The following UVRAG variants were observed in gnomAD, a reference collection of about 807,000 sequenced individuals.
UVRAG encodes the protein UV radiation resistance associated, also known as UV radiation resistance-associated gene protein.
A neutral mutation model predicts 78.0 loss-of-function variants in UVRAG; 19 were observed. The ratio of observed to expected loss-of-function variants is 0.24; its 90% CI spans 0.17 to 0.36. UVRAG has a LOEUF of 0.36. Ranked by LOEUF, UVRAG falls within the 10% of genes least tolerant of loss-of-function variation. The probability of loss-of-function intolerance (pLI) is 1.00; values close to 1 mark genes in which losing one functional copy is unlikely to be tolerated. For synonymous variants in UVRAG, 323 were observed against 324.6 expected (o/e 1.00, Z 0.05); for missense variants, 740 against 853.8 (o/e 0.87, Z 1.66).
At chr11:76,137,943 G>C (rs534314593) in intron 14 of UVRAG, among the ~76,000 whole-genome samples, 1 of 152,004 alleles carries the variant, frequency 6.6e-6, no homozygotes, top group African/African-American at 2.4e-5. Context: ...AATAAAAAGA[G>C]AGAGAACCTT....
intron 8 of UVRAG, among the ~76,000 whole-genome samples, chr11:75,993,402 C>T (rs1949649213): frequency 6.6e-6 from 1 of 152,152 alleles, no homozygotes; most frequent in Non-Finnish European, 1.5e-5. Context: ...CCAGCTGGGT[C>T]ATGAGCTGAT....
At chr11:76,080,609 A>T (rs1487326533) in intron 13 of UVRAG, among the ~76,000 whole-genome samples, 2 of 152,144 alleles carry the variant, frequency 1.3e-5, no homozygotes, top group African/African-American at 2.4e-5. Flanking sequence ...GGGACAAGAA[A>T]CCAGTTTTCT....
chr11:76,140,878 G>T lies in UVRAG; in HGVS notation c.1565G>T (p.Ser522Ile). Residue 522 changes from serine (S) to isoleucine (I), a missense_variant, in exon 15 of 15, where the codon AGT (serine) becomes ATT (isoleucine). Transcript: ENST00000356136. The stretch of plus-strand genomic sequence containing the variant: ...CTTCAGTACAAAACCCCTCCTCCCA[G>T]TTACAACTCAGCATTAGCCCAGCCT... ...ERLQYKTPPP[S>I]YNSALAQPVT... 1 of 1,614,070 alleles carries T rather than the reference G, an allele frequency of 6.2e-7. No homozygotes were observed. The highest frequency in any genetic ancestry group is 8.5e-7 in the Non-Finnish European group (1 of 1,180,028).
At chr11:76,122,308 AG>A (rs1952297861) in intron 14 of UVRAG, among the ~76,000 whole-genome samples, 1 of 152,156 alleles carries the variant, frequency 6.6e-6, no homozygotes, top group African/African-American at 2.4e-5. Flanking sequence ...TTTGGGGTAT[AG>A]GACAGAGTAG....
At chr11:76,125,667 A>C (rs1020914356) in intron 14 of UVRAG, among the ~76,000 whole-genome samples, 2 of 152,154 alleles carry the variant, frequency 1.3e-5, no homozygotes, top group South Asian at 2.1e-4. Context: ...CTCTGAACCA[A>C]ATTGAGAGCT....
chr11:75,935,057 A>G (rs1948339236), intron 6 of UVRAG: 2 of 152,188 alleles, frequency 1.3e-5, no homozygotes, highest in Admixed American at 1.3e-4. Flanking sequence ...TGACTATACA[A>G]TTTAAAAGGT....
intron 6 of UVRAG, among the ~76,000 whole-genome samples, chr11:75,920,215 C>T (rs756048320): frequency 6.6e-4 from 99 of 149,582 alleles, no homozygotes; most frequent in Non-Finnish European, 1.2e-3. Flanking sequence ...TTAGTAGAGA[C>T]GGGGTTTCAC....
chr11:76,015,051 A>G (rs773773064), intron 11 of UVRAG, among the ~76,000 whole-genome samples: 14 of 152,360 alleles, frequency 9.2e-5, no homozygotes, highest in African/African-American at 3.4e-4. Flanking sequence ...TAGAGAACAG[A>G]CATTCCTTGA....
At chr11:75,984,210 A>G (rs574368394) in intron 8 of UVRAG, among the ~76,000 whole-genome samples, 64 of 152,348 alleles carry the variant, frequency 4.2e-4, no homozygotes, top group African/African-American at 1.5e-3. Context: ...AGTGAGCTGC[A>G]GCTCTCAGTC....
In UVRAG at chr11:76,106,372, AT is replaced by A. The variant is rs945823442; in HGVS notation, c.1306-9541del. Among the ~76,000 whole-genome samples, 177 of 146,988 alleles carry A rather than the reference AT, an allele frequency of 1.2e-3. No homozygotes were observed. The Middle Eastern group carries it at 0.014, about 12-fold the overall frequency. ...CAATGAATTGGAAGCAGAAATGCCT[AT>A]TTTTTTTTTTAAGATGGAATCCCGC... On this transcript the variant is annotated intron_variant, in intron 13 of 14. Transcript: ENST00000356136.
intron 13 of UVRAG, among the ~76,000 whole-genome samples, chr11:76,106,338 C>T (rs1951969122): frequency 6.6e-6 from 1 of 151,978 alleles, no homozygotes; most frequent in African/African-American, 2.4e-5. Context: ...ACCAAGATTG[C>T]ATCAAAGTCA....
intron 12 of UVRAG, among the ~76,000 whole-genome samples, chr11:76,065,262 TAAAAG>T (rs1951164966): frequency 6.6e-6 from 1 of 152,236 alleles, no homozygotes; most frequent in Non-Finnish European, 1.5e-5. Flanking sequence ...CTGGTCACCT[TAAAAG>T]AAACAGAAAT....
chr11:76,030,783 C>A (rs2135399553), intron 12 of UVRAG, among the ~76,000 whole-genome samples: 1 of 152,270 alleles, frequency 6.6e-6, no homozygotes, highest in South Asian at 2.1e-4. Context: ...TAAGCTCTTT[C>A]TTGATTTCCC....
intron 3 of UVRAG, among the ~76,000 whole-genome samples, chr11:75,879,211 A>G (rs920638647): frequency 1.3e-5 from 2 of 152,186 alleles, no homozygotes; most frequent in Non-Finnish European, 2.9e-5. Context: ...CCTTCAGTTC[A>G]GTTCCTTGTG....
chr11:76,014,874 C>T (rs1394403248), intron 11 of UVRAG, among the ~76,000 whole-genome samples: 5 of 152,118 alleles, frequency 3.3e-5, no homozygotes, highest in African/African-American at 7.2e-5. Context: ...GTCTGATGTA[C>T]GGGTTTCAGC....
chr11:75,840,518 G>A (rs904596931), intron 1 of UVRAG, among the ~76,000 whole-genome samples: 1 of 152,174 alleles, frequency 6.6e-6, no homozygotes, highest in Non-Finnish European at 1.5e-5. Flanking sequence ...AAAGTTCAGA[G>A]TCGCAGTTTG....
At chr11:76,128,722 T>C (rs1952459430) in intron 14 of UVRAG, among the ~76,000 whole-genome samples, 1 of 152,094 alleles carries the variant, frequency 6.6e-6, no homozygotes, top group African/African-American at 2.4e-5. Flanking sequence ...GCTCAAGTGA[T>C]TCCCCCCACC....
chr11:75,879,798 A>T, intron 3 of UVRAG, 81 bp from the exon 4 acceptor site: 3 of 1,541,746 alleles, frequency 1.9e-6, no homozygotes, highest in Non-Finnish European at 2.6e-6. Flanking sequence ...GGTTTTGAAA[A>T]ACAAAATGAT....
intron 6 of UVRAG, among the ~76,000 whole-genome samples, chr11:75,947,514 A>G (rs1270415775): frequency 6.6e-6 from 1 of 152,220 alleles, no homozygotes; most frequent in African/African-American, 2.4e-5. Flanking sequence ...AGCACACAGC[A>G]ACCTGATATA....
Sources: allele counts gnomAD v4.1 joint callset (sites outside exome capture counted in the v4.1 genomes callset), GRCh38; gene constraint gnomAD v4.1.1; transcripts MANE v1.5; gene names NCBI Gene and HGNC (gene_info 2026-07-23, HGNC 2026-07-21).